SEMA3A: variants seen among roughly 807,000 people sequenced by gnomAD.
SEMA3A encodes the protein semaphorin 3A.
SEMA3A carries 29 observed loss-of-function variants against 97.9 expected under a neutral mutation model. The observed-to-expected ratio is 0.30, with a 90% confidence interval of 0.22 to 0.40. The LOEUF is 0.40. Ranked by LOEUF, SEMA3A falls within the 10% of genes least tolerant of loss-of-function variation. The probability of loss-of-function intolerance (pLI) is 1.00; values close to 1 mark genes in which losing one functional copy is unlikely to be tolerated. For missense variants in SEMA3A, 763 were observed against 951.3 expected (o/e 0.80, Z 2.60); for synonymous variants, 321 against 323.7 (o/e 0.99, Z 0.09).
chr7:84,138,201 C>A (rs932471964), intron 1 of SEMA3A, among the ~76,000 whole-genome samples: 3 of 151,646 alleles, frequency 2.0e-5, no homozygotes, highest in Non-Finnish European at 4.4e-5. Flanking sequence ...ATGGAGTAGA[C>A]TGAAAACTAT....
At chr7:84,055,000 C>A in intron 5 of SEMA3A, among the ~76,000 whole-genome samples, 1 of 152,126 alleles carries the variant, frequency 6.6e-6, no homozygotes, top group Non-Finnish European at 1.5e-5. Flanking sequence ...TGGGGTGCCT[C>A]CCAGTTAGGC....
rs1422487102 is a variant in SEMA3A, at chr7:84,314,042, G to T, written c.-168-6750C>A. ...ATGATAGCAAGGTCTTGAAGTGTATGCCCAAATGTGACTTATGGTGAGTGA... is the reference window on the plus strand; with the variant it reads ...ATGATAGCAAGGTCTTGAAGTGTATTCCCAAATGTGACTTATGGTGAGTGA... On this transcript the variant is annotated intron_variant, in intron 2 of 3. Coordinates refer to the SEMA3A transcript ENST00000424555. Among the ~76,000 whole-genome samples, 13 of 151,986 alleles carry T rather than the reference G, an allele frequency of 8.6e-5. 1 individual carries two copies. Among genetic ancestry groups the T allele is most frequent in the Admixed American group, 8.5e-4 (13 of 15,232 alleles).
At chr7:83,998,509 A>G (rs999122584) in intron 12 of SEMA3A, among the ~76,000 whole-genome samples, 1 of 152,202 alleles carries the variant, frequency 6.6e-6, no homozygotes, top group Non-Finnish European at 1.5e-5. Flanking sequence ...GTGAATGTGA[A>G]GGCCTAGGAC....
At chr7:84,355,270 G>C (rs1802529758) in intron 2 of SEMA3A, among the ~76,000 whole-genome samples, 1 of 151,772 alleles carries the variant, frequency 6.6e-6, no homozygotes, top group Admixed American at 6.6e-5. Flanking sequence ...AGAGATGAAG[G>C]CCATATTAAA....
At chr7:84,464,854 T>A (rs1805950556) in intron 1 of SEMA3A, among the ~76,000 whole-genome samples, 1 of 152,176 alleles carries the variant, frequency 6.6e-6, no homozygotes, top group Non-Finnish European at 1.5e-5. Context: ...ATCTTTTTAA[T>A]TTTCTGAATC....
chr7:84,486,318 T>C (rs994794869), intron 1 of SEMA3A, among the ~76,000 whole-genome samples: 3 of 152,020 alleles, frequency 2.0e-5, no homozygotes, highest in African/African-American at 4.8e-5. Context: ...AACCAGGGAG[T>C]TGCAGGTTGC....
At chr7:84,380,468 G>A (rs1803229702) in intron 1 of SEMA3A, among the ~76,000 whole-genome samples, 1 of 152,138 alleles carries the variant, frequency 6.6e-6, no homozygotes, top group African/African-American at 2.4e-5. Context: ...ATTCAGAGGA[G>A]GTGATGGTTT....
chr7:84,200,169 A>T (rs1054907622), intron 3 of SEMA3A, among the ~76,000 whole-genome samples: 4 of 151,928 alleles, frequency 2.6e-5, no homozygotes, highest in African/African-American at 9.7e-5. Context: ...AAAAAAAAAA[A>T]GTTTTGTGTT....
chr7:84,022,549 A>G (rs1331288062), intron 6 of SEMA3A, among the ~76,000 whole-genome samples: 1 of 152,202 alleles, frequency 6.6e-6, no homozygotes, highest in Non-Finnish European at 1.5e-5. Flanking sequence ...CCACGTGAAA[A>G]TGTTATCTAC....
intron 1 of SEMA3A, among the ~76,000 whole-genome samples, chr7:84,167,224 T>A (rs548273209): frequency 5.9e-4 from 90 of 152,294 alleles, no homozygotes; most frequent in Non-Finnish European, 1.1e-3. Context: ...CTTTGGGGCA[T>A]GTGGTTGATA....
chr7:83,988,636 T>A (rs1011853295), intron 12 of SEMA3A, among the ~76,000 whole-genome samples: 5 of 152,128 alleles, frequency 3.3e-5, no homozygotes, highest in Admixed American at 6.6e-5. Flanking sequence ...GGTACATTAA[T>A]GTAATGGTAT....
At chr7:83,993,544 G>C (rs1158080080) in intron 12 of SEMA3A, among the ~76,000 whole-genome samples, 3 of 150,634 alleles carry the variant, frequency 2.0e-5, no homozygotes, top group Non-Finnish European at 4.4e-5. Context: ...TTGCTTGTCT[G>C]TAAAGTATTT....
chr7:84,286,591 C>T (rs1391589565), intron 3 of SEMA3A, among the ~76,000 whole-genome samples: 2 of 152,008 alleles, frequency 1.3e-5, no homozygotes, highest in Admixed American at 6.6e-5. Context: ...CATGTTAATA[C>T]TTTATCTGAT....
intron 10 of SEMA3A, among the ~76,000 whole-genome samples, chr7:84,006,437 A>C (rs1315049606): frequency 6.6e-6 from 1 of 151,936 alleles, no homozygotes; most frequent in Admixed American, 6.6e-5. Context: ...CAAAAAGACC[A>C]ATCAGAATGC....
chr7:84,076,200 T>C (rs1300688678), intron 4 of SEMA3A, among the ~76,000 whole-genome samples: 1 of 152,200 alleles, frequency 6.6e-6, no homozygotes, highest in Non-Finnish European at 1.5e-5. Context: ...ATTCATTTTC[T>C]AGGATAATTA....
At chr7:84,347,901 T>A (rs1802340664) in intron 2 of SEMA3A, among the ~76,000 whole-genome samples, 1 of 152,112 alleles carries the variant, frequency 6.6e-6, no homozygotes, top group Non-Finnish European at 1.5e-5. Flanking sequence ...GATGGACATG[T>A]TTCAGGACAT....
chr7:84,256,027 G>A (rs915117501), intron 3 of SEMA3A, among the ~76,000 whole-genome samples: 2 of 151,980 alleles, frequency 1.3e-5, no homozygotes, highest in African/African-American at 4.8e-5. Flanking sequence ...TGTGATTGAC[G>A]GAGGTGACAG....
At chr7:84,090,698 G>GT (rs1794538004) in intron 4 of SEMA3A, among the ~76,000 whole-genome samples, 1 of 152,048 alleles carries the variant, frequency 6.6e-6, no homozygotes, top group Non-Finnish European at 1.5e-5. Context: ...GTTGACACTG[G>GT]TATCTATATT....
intron 5 of SEMA3A, among the ~76,000 whole-genome samples, chr7:84,056,192 C>T (rs1372683866): frequency 6.6e-6 from 1 of 150,574 alleles, no homozygotes; most frequent in Non-Finnish European, 1.5e-5. Flanking sequence ...TTAACTCTCT[C>T]ACAGGAGAGC....
Sources: allele counts gnomAD v4.1 joint callset (sites outside exome capture counted in the v4.1 genomes callset), GRCh38; gene constraint gnomAD v4.1.1; transcripts MANE v1.5; gene names NCBI Gene and HGNC (gene_info 2026-07-23, HGNC 2026-07-21).